The following SPINK9 variants were observed in gnomAD, a reference collection of about 807,000 sequenced individuals.
The protein encoded by SPINK9 is serine peptidase inhibitor Kazal type 9.
A neutral mutation model predicts 10.8 loss-of-function variants in SPINK9; 3 were observed. That is an observed-to-expected ratio of 0.28 (90% CI 0.13 to 0.72). SPINK9 has a LOEUF of 0.72. SPINK9 is among the 30% of genes least tolerant of loss of function. SPINK9 has a pLI of 0.74. For missense variants in SPINK9, 101 were observed against 103.2 expected, an observed-to-expected ratio of 0.98 and a Z score of 0.09; for synonymous variants, 30 against 31.2, an observed-to-expected ratio of 0.96 and a Z score of 0.12.
chr5:148,335,335 G>C (rs573485337), upstream of SPINK9, among the ~76,000 whole-genome samples: 97 of 152,316 alleles, frequency 6.4e-4, no homozygotes, highest in Non-Finnish European at 9.7e-4. Context: ...CGTAATTGTA[G>C]TTCAAAGCAA....
chr5:148,322,361 A>G (rs963464759), intron 1 of SPINK9, among the ~76,000 whole-genome samples: 1 of 152,218 alleles, frequency 6.6e-6, no homozygotes, highest in African/African-American at 2.4e-5. Flanking sequence ...AAAGATATCA[A>G]TGGAACAATG....
chr5:148,329,394 C>G (rs1757116273), intron 2 of SPINK9, among the ~76,000 whole-genome samples: 1 of 152,082 alleles, frequency 6.6e-6, no homozygotes, highest in African/African-American at 2.4e-5. Flanking sequence ...ATTCTTCTCT[C>G]TTTTCTTCTT....
rs760071142 is a variant in SPINK9, at chr5:148,339,718, T to C, written c.*6T>C. On this transcript the variant is annotated 3_prime_UTR_variant, in exon 4 of 4. Coordinates refer to ENST00000377906, the MANE Select transcript of SPINK9 (RefSeq NM_001040433.2). ...TACATTTTGGAAAATGTTAAATCTA[T>C]CTTGTGAGTCCAAAATATCTTTTAA... The C allele has an allele frequency of 6.2e-7, 1 of 1,609,170 alleles. No homozygotes were observed.
At chr5:148,323,592 G>C in intron 1 of SPINK9, 1 of 505,878 alleles carries the variant, frequency 2.0e-6, no homozygotes, top group Admixed American at 3.6e-5. Flanking sequence ...TTCTTAGGAA[G>C]AGTAAATCAT....
At chr5:148,338,348 G>A in intron 2 of SPINK9, 130 bp from the exon 3 acceptor site, 1 of 688,870 alleles carries the variant, frequency 1.5e-6, no homozygotes, top group Non-Finnish European at 2.4e-6. Flanking sequence ...TCTTGAAGGG[G>A]GTAGATGAGA....
chr5:148,339,586 G>C, intron 3 of SPINK9, 81 bp from the exon 4 acceptor site: 1 of 1,192,872 alleles, frequency 8.4e-7, no homozygotes, highest in Non-Finnish European at 1.2e-6. Flanking sequence ...TACATTTTTG[G>C]GATTCATTAG....
intron 1 of SPINK9, chr5:148,323,595 T>C: frequency 2.0e-6 from 1 of 507,534 alleles, no homozygotes. Flanking sequence ...TTAGGAAGAG[T>C]AAATCATTCC....
chr5:148,323,886 G>A, intron 2 of SPINK9: 1 of 687,570 alleles, frequency 1.5e-6, no homozygotes, highest in Non-Finnish European at 2.6e-6. Flanking sequence ...GCCCGCGAAA[G>A]TAATTTAATG....
At chr5:148,335,111 A>G (rs1340552653), upstream of SPINK9, among the ~76,000 whole-genome samples, 3 of 152,178 alleles carry the variant, frequency 2.0e-5, no homozygotes, top group African/African-American at 4.8e-5. Context: ...TACCTACAAC[A>G]CCTGCAAGAG....
intron 1 of SPINK9, 43 bp downstream of exon 1, chr5:148,335,711 G>T (rs775156416): frequency 2.5e-6 from 4 of 1,592,382 alleles, no homozygotes; most frequent in Non-Finnish European, 2.6e-6. Context: ...TGTACTAATA[G>T]CTCATGCAGT....
At chr5:148,329,478 TG>T in intron 2 of SPINK9, among the ~76,000 whole-genome samples, 1 of 152,214 alleles carries the variant, frequency 6.6e-6, no homozygotes, top group East Asian at 1.9e-4. Context: ...ACTGATTTTT[TG>T]AAGGGGTTTT....
At chr5:148,339,570 C>T in intron 3 of SPINK9, 97 bp from the exon 4 acceptor site, 2 of 1,059,504 alleles carry the variant, frequency 1.9e-6, no homozygotes, top group Non-Finnish European at 2.8e-6. Flanking sequence ...AGCGGGGAAA[C>T]TTGAATACAT....
intron 2 of SPINK9, among the ~76,000 whole-genome samples, chr5:148,328,424 G>C (rs1757099013): frequency 6.6e-6 from 1 of 152,106 alleles, no homozygotes; most frequent in Non-Finnish European, 1.5e-5. Context: ...GGATTTTCTA[G>C]ATATACAAGC....
At chr5:148,335,321 T>C (rs74783080), upstream of SPINK9, among the ~76,000 whole-genome samples, 1,861 of 152,352 alleles carry the variant, frequency 0.012, 39 homozygotes, top group African/African-American at 0.043. Context: ...CCACTGATTA[T>C]GTACGTAATT....
At chr5:148,335,462 G>C (rs1581189700), upstream of SPINK9, 1 of 611,902 alleles carries the variant, frequency 1.6e-6, no homozygotes, top group East Asian at 2.8e-5. Context: ...AGACATTTCT[G>C]ACCTCTTTCT....
chr5:148,338,401 G>T, intron 2 of SPINK9, 77 bp from the exon 3 acceptor site: 1 of 1,419,092 alleles, frequency 7.0e-7, no homozygotes, highest in East Asian at 2.3e-5. Flanking sequence ...AGCCCTCTGA[G>T]CTTGCTTGAA....
upstream of SPINK9, among the ~76,000 whole-genome samples, chr5:148,331,368 A>C (rs975916549): frequency 2.6e-5 from 4 of 152,374 alleles, no homozygotes; most frequent in Non-Finnish European, 4.4e-5. Context: ...TAAACCAAGC[A>C]CAGAAAGACA....
upstream of SPINK9, among the ~76,000 whole-genome samples, chr5:148,333,053 C>T (rs566204840): frequency 7.9e-5 from 12 of 152,008 alleles, no homozygotes; most frequent in East Asian, 1.9e-4. Flanking sequence ...TATCACAGTC[C>T]GGATTTTGAA....
At chr5:148,327,117 A>T (rs1316412834) in intron 2 of SPINK9, among the ~76,000 whole-genome samples, 1 of 152,106 alleles carries the variant, frequency 6.6e-6, no homozygotes, top group Admixed American at 6.5e-5. Context: ...TGAACTAGTT[A>T]ACAGTCCCAC....
Sources: gnomAD v4.1 joint callset for allele counts (sites outside exome capture counted in the v4.1 genomes callset) on GRCh38, gnomAD v4.1.1 for gene constraint, MANE v1.5 for transcripts, NCBI Gene and HGNC (gene_info 2026-07-23, HGNC 2026-07-21) for gene names.